The following MAD1L1 variants were observed in gnomAD, a reference collection of about 807,000 sequenced individuals.
The protein encoded by MAD1L1 is mitotic spindle assembly checkpoint protein MAD1.
Under a neutral mutation model 96.9 loss-of-function variants are expected in MAD1L1, and 95 were observed. The observed-to-expected ratio is 0.98, with a 90% CI of 0.83 to 1.16. MAD1L1 has a LOEUF of 1.16. MAD1L1 is among the 50% of genes most tolerant of loss of function. The probability of loss-of-function intolerance (pLI) is 0.00; values close to 1 mark genes in which losing one functional copy is unlikely to be tolerated. For missense variants in MAD1L1, 1,007 were observed against 954.4 expected (o/e 1.06, Z -0.73); for synonymous variants, 473 against 396.6 (o/e 1.19, Z -2.29).
At position 2,111,906 on chromosome 7, in the gene MAD1L1, C is replaced by T. The variant is rs576910061; in HGVS notation, c.1073+37246G>A. The stretch of plus-strand genomic sequence containing the variant: ...ATGCCAGGATCCAGCAGTCCCACTC[C>T]TAAGTATGTGCTCAAGGAAAAGTAA... On this transcript the variant is annotated intron_variant, in intron 11 of 18. Coordinates refer to ENST00000265854, the MANE Select transcript of MAD1L1 (RefSeq NM_001013836.2). 4.6e-5 allele frequency among the ~76,000 whole-genome samples: 7 copies of T among 152,354 alleles called. 1 individual carries two copies. In the East Asian group the frequency reaches 1.3e-3, roughly 29 times the overall value.
chr7:1,936,792 A>T lies in MAD1L1; in HGVS notation c.1702T>A (p.Cys568Ser). The T allele has an allele frequency of 2.5e-6, 4 of 1,586,156 alleles. No homozygotes were observed. Among genetic ancestry groups the T allele is most frequent in the Non-Finnish European group, 3.4e-6 (4 of 1,167,382 alleles). Residue 568 changes from cysteine to serine, a missense_variant, in exon 17 of 19, where the codon TGC becomes AGC. Physicochemically the swap from Cys to Ser is moderately radical, Grantham distance 112. Coordinates refer to ENST00000265854, the MANE Select transcript of MAD1L1 (RefSeq NM_001013836.2). ...CGCAGGAGCCCGCGCAGTCGCTCGC[A>T]CTCCGCCTGCAGCTGGCTGTGGTCC... ...REDHSQLQAE[C>S]ERLRGLLRAM...
chr7:1,963,074 C>T (rs1042137677), intron 15 of MAD1L1, among the ~76,000 whole-genome samples: 19 of 152,192 alleles, frequency 1.2e-4, no homozygotes, highest in Non-Finnish European at 2.6e-4. Flanking sequence ...CACACGTGAC[C>T]GCCAGCCACT....
chr7:1,882,684 G>A (rs1344516849), intron 18 of MAD1L1, among the ~76,000 whole-genome samples: 1 of 152,218 alleles, frequency 6.6e-6, no homozygotes, highest in Non-Finnish European at 1.5e-5. Flanking sequence ...CAAGAAGGCT[G>A]CTGGGTGGGC....
At chr7:2,048,745 C>T (rs568762405) in intron 12 of MAD1L1, among the ~76,000 whole-genome samples, 4 of 152,216 alleles carry the variant, frequency 2.6e-5, no homozygotes, top group Non-Finnish European at 5.9e-5. Flanking sequence ...GGGAGCCTCC[C>T]GAGCCTGGCT....
Position 2,103,043 on chromosome 7 carries a change from G to C in MAD1L1, c.1074-33705C>G, listed in dbSNP as rs760662034. On this transcript the variant is annotated intron_variant, in intron 11 of 18. Transcript: ENST00000265854. The surrounding 1 kb of genome is among the most constrained non-coding windows in gnomAD (Gnocchi z 4.3). ...AGCCTCCGTGATGCTGCCAACACCTGGGTCAGCGCTGGGTCAGGCCTGGCC... is the reference window on the plus strand; with the variant it reads ...AGCCTCCGTGATGCTGCCAACACCTCGGTCAGCGCTGGGTCAGGCCTGGCC... Among the ~76,000 whole-genome samples the C allele has an allele frequency of 2.6e-5, 4 of 152,218 alleles. No homozygotes were observed. Among genetic ancestry groups the C allele is most frequent in the Admixed American group, 1.3e-4 (2 of 15,282 alleles).
intron 10 of MAD1L1, among the ~76,000 whole-genome samples, chr7:2,156,525 TAGAG>T (rs1002557821): frequency 4.0e-5 from 6 of 151,292 alleles, no homozygotes; most frequent in African/African-American, 1.5e-4. Context: ...TCTGCATAAA[TAGAG>T]AGGGGAGGCT....
chr7:2,151,428 C>G (rs762406443), intron 10 of MAD1L1, among the ~76,000 whole-genome samples: 2 of 152,208 alleles, frequency 1.3e-5, no homozygotes, highest in Non-Finnish European at 2.9e-5. Flanking sequence ...CCTGAAACAG[C>G]AGGAGGCCAG....
Position 1,887,100 on chromosome 7 carries a change from G to A in MAD1L1, c.1998+11100C>T, listed in dbSNP as rs144544403. ...CCTTGAAACACTCACTCAGGCTAGGGGGGCTCCGGCTGGGCCCATGCTGCC... is the reference window on the plus strand; with the variant it reads ...CCTTGAAACACTCACTCAGGCTAGGAGGGCTCCGGCTGGGCCCATGCTGCC... On this transcript the variant is annotated intron_variant, in intron 18 of 18. Coordinates refer to ENST00000265854, the MANE Select transcript of MAD1L1 (RefSeq NM_001013836.2). Among the ~76,000 whole-genome samples the A allele has an allele frequency of 1.2e-3, 178 of 152,388 alleles. 1 individual carries two copies. Among genetic ancestry groups the A allele is most frequent in the African/African-American group, 3.7e-3 (154 of 41,596 alleles).
At chr7:1,945,252 G>T (rs1779176526) in intron 16 of MAD1L1, among the ~76,000 whole-genome samples, 1 of 152,262 alleles carries the variant, frequency 6.6e-6, no homozygotes, top group African/African-American at 2.4e-5. Context: ...CACGCCAGAA[G>T]TCCAGCTCCG....
At position 2,103,719 on chromosome 7, in the gene MAD1L1, T is replaced by A. The variant is rs1431454346; in HGVS notation, c.1074-34381A>T. Among the ~76,000 whole-genome samples the A allele has an allele frequency of 6.6e-6, 1 of 152,110 alleles. No individual in the cohort carries two copies. Among genetic ancestry groups the A allele is most frequent in the East Asian group, 1.9e-4 (1 of 5,174 alleles). ...GGGAGGCGGCTACTCAGAGGGCAGG[T>A]GCTGTCCTCCTCCCTGCCCAGATCC... is the stretch of plus-strand genomic sequence containing the variant. On this transcript the variant is annotated intron_variant, in intron 11 of 18. Transcript: ENST00000265854. This position sits in a 1 kb window ranked among gnomAD's most constrained non-coding sequence, Gnocchi z 4.3.
At chr7:1,860,432 CCT>C (rs1335416247) in intron 18 of MAD1L1, among the ~76,000 whole-genome samples, 6 of 142,542 alleles carry the variant, frequency 4.2e-5, no homozygotes, top group Admixed American at 1.4e-4. Context: ...TGTGGTGGCC[CCT>C]GTCTCCCTAG....
At chr7:2,060,727 T>G (rs1286496919) in intron 12 of MAD1L1, among the ~76,000 whole-genome samples, 1 of 152,192 alleles carries the variant, frequency 6.6e-6, no homozygotes, top group African/African-American at 2.4e-5. Flanking sequence ...GAAGGCGGCC[T>G]TGCAATAGAG....
chr7:2,126,193 G>A (rs1014176145), intron 11 of MAD1L1, among the ~76,000 whole-genome samples: 1 of 152,246 alleles, frequency 6.6e-6, no homozygotes, highest in Admixed American at 6.5e-5. Context: ...GGATGAAGGA[G>A]AGCGTCTCGG....
intron 11 of MAD1L1, among the ~76,000 whole-genome samples, chr7:2,086,844 C>A (rs112694628): frequency 0.027 from 4,120 of 152,294 alleles, 96 homozygotes; most frequent in South Asian, 0.089. Context: ...CATGAGCCAC[C>A]GCGCCCAGCA....
intron 1 of MAD1L1, among the ~76,000 whole-genome samples, chr7:2,231,630 A>T (rs927699443): frequency 1.3e-5 from 2 of 152,170 alleles, no homozygotes; most frequent in African/African-American, 4.8e-5. Flanking sequence ...AATTAATTAA[A>T]AAAAAAATCT....
chr7:1,886,229 G>A (rs1786016634), intron 18 of MAD1L1, among the ~76,000 whole-genome samples: 1 of 152,226 alleles, frequency 6.6e-6, no homozygotes, highest in African/African-American at 2.4e-5. Context: ...CTGGGGGTAA[G>A]TACCCCTCCA....
At chr7:2,040,735 G>A (rs970529962) in intron 12 of MAD1L1, among the ~76,000 whole-genome samples, 3 of 152,170 alleles carry the variant, frequency 2.0e-5, no homozygotes, top group African/African-American at 4.8e-5. Context: ...AGGCTGTTCC[G>A]AGGCCCAAGG....
chr7:2,063,306 C>A (rs1035610682), intron 12 of MAD1L1, among the ~76,000 whole-genome samples: 2 of 152,232 alleles, frequency 1.3e-5, no homozygotes, highest in Non-Finnish European at 2.9e-5. Flanking sequence ...CCTGGGAGTC[C>A]CTGGCTCCGC....
In MAD1L1 at chr7:2,210,434, CCG is replaced by C. The variant is rs1562375122; in HGVS notation, c.986+2776_986+2777del. The stretch of plus-strand genomic sequence containing the variant: ...AGGAGCCGTATTCGGGACCGCCAGC[CCG>C]CATTCCCGTGGACTCTCTAGGAGCC... On this transcript the variant is annotated intron_variant, in intron 10 of 18. Transcript: ENST00000265854. Among the ~76,000 whole-genome samples, 7 of 139,994 alleles carry C rather than the reference CCG, an allele frequency of 5.0e-5. 1 individual carries two copies. The highest frequency in any genetic ancestry group is 2.4e-4 in the South Asian group (1 of 4,248). The allele number at this position is 139,994 out of a possible 152,430, so 91.8% of individuals were successfully genotyped here. A position where few individuals can be genotyped will look rare whatever the true frequency, so the allele number is the denominator to read the frequency against.
Sources: allele counts gnomAD v4.1 joint callset (sites outside exome capture counted in the v4.1 genomes callset), GRCh38; gene constraint gnomAD v4.1.1; non-coding constraint Gnocchi (gnomAD v3.1); transcripts MANE v1.5; gene names NCBI Gene and HGNC (gene_info 2026-07-23, HGNC 2026-07-21).